ASTN1: variants seen among roughly 807,000 people sequenced by gnomAD.
The protein encoded by ASTN1 is astrotactin 1.
A neutral mutation model predicts 140.7 loss-of-function variants in ASTN1; 41 were observed. The ratio of observed to expected loss-of-function variants is 0.29; its 90% CI spans 0.23 to 0.38. The LOEUF (loss-of-function observed/expected upper bound fraction) is 0.38, where lower values mean the gene tolerates loss of function less well. ASTN1 is among the 10% of genes least tolerant of loss of function. The pLI, the probability that ASTN1 is intolerant of heterozygous loss-of-function variation, is 1.00. For missense variants in ASTN1, 1,479 were observed against 1,678.8 expected (o/e 0.88, Z 2.08); for synonymous variants, 640 against 652.2 (o/e 0.98, Z 0.29).
At chr1:176,901,608 A>C (rs1669769445) in intron 16 of ASTN1, among the ~76,000 whole-genome samples, 1 of 152,190 alleles carries the variant, frequency 6.6e-6, no homozygotes, top group Non-Finnish European at 1.5e-5. Context: ...TGTGGTAGCA[A>C]GAGAGTGCCA....
intron 1 of ASTN1, among the ~76,000 whole-genome samples, chr1:177,080,255 A>G (rs1411158367): frequency 1.6e-4 from 15 of 96,520 alleles, no homozygotes; most frequent in Non-Finnish European, 2.4e-4. Context: ...CTATATCACC[A>G]GGCCAAAAAA....
intron 1 of ASTN1, among the ~76,000 whole-genome samples, chr1:177,061,849 A>C (rs1678113544): frequency 6.6e-6 from 1 of 152,200 alleles, no homozygotes; most frequent in Non-Finnish European, 1.5e-5. Flanking sequence ...CAGGTAAAGT[A>C]ATGTTATAAT....
intron 1 of ASTN1, among the ~76,000 whole-genome samples, chr1:177,077,022 C>A (rs1678946425): frequency 6.6e-6 from 1 of 152,108 alleles, no homozygotes; most frequent in South Asian, 2.1e-4. Context: ...GGAATTGAGG[C>A]AGGCCATAAA....
At chr1:176,888,794 G>A (rs1031191436) in intron 17 of ASTN1, among the ~76,000 whole-genome samples, 1 of 152,206 alleles carries the variant, frequency 6.6e-6, no homozygotes, top group Admixed American at 6.5e-5. Context: ...CTGGGCTCTG[G>A]AGCTGTCAGC....
At chr1:176,880,815 C>T (rs551063145) in intron 20 of ASTN1, among the ~76,000 whole-genome samples, 1 of 152,296 alleles carries the variant, frequency 6.6e-6, no homozygotes, top group South Asian at 2.1e-4. Context: ...AAGCAACTAG[C>T]TGTGTGATTC....
intron 16 of ASTN1, among the ~76,000 whole-genome samples, chr1:176,908,170 T>C (rs1670080295): frequency 6.7e-6 from 1 of 149,560 alleles, no homozygotes; most frequent in Non-Finnish European, 1.5e-5. Flanking sequence ...CAGAGTTAGC[T>C]TTTTAATTAA....
intron 1 of ASTN1, among the ~76,000 whole-genome samples, chr1:177,109,267 G>A (rs1680699346): frequency 6.6e-6 from 1 of 152,100 alleles, no homozygotes; most frequent in Admixed American, 6.6e-5. Flanking sequence ...GTAAACCTAA[G>A]AAACCCATTT....
At chr1:177,129,448 C>T (rs2102199150) in intron 1 of ASTN1, among the ~76,000 whole-genome samples, 1 of 152,252 alleles carries the variant, frequency 6.6e-6, no homozygotes, top group South Asian at 2.1e-4. Flanking sequence ...GGGATCAATG[C>T]CACCGCCAGA....
At chr1:177,087,673 C>A (rs1018446627) in intron 1 of ASTN1, among the ~76,000 whole-genome samples, 1 of 152,196 alleles carries the variant, frequency 6.6e-6, no homozygotes, top group African/African-American at 2.4e-5. Flanking sequence ...CCGTGTTTCA[C>A]GCAGACCAAC....
Position 176,989,440 on chromosome 1 carries a change from T to G in ASTN1, c.1524-24203A>C, listed in dbSNP as rs184296959. Among the ~76,000 whole-genome samples the G allele has an allele frequency of 1.6e-4, 24 of 152,316 alleles. No homozygotes were observed. In the East Asian group the frequency reaches 4.6e-3, roughly 29 times the overall value. On this transcript the variant is annotated intron_variant, in intron 8 of 22. Coordinates refer to ENST00000361833, the MANE Select transcript of ASTN1 (RefSeq NM_004319.3). ...TAAGCTTCGTCCTGCAGAGGTACAA[T>G]GGCCTAACAAACAAAACATAAACCT...
chr1:176,900,462 C>T (rs1557945784), intron 16 of ASTN1, among the ~76,000 whole-genome samples: 1 of 152,182 alleles, frequency 6.6e-6, no homozygotes, highest in Non-Finnish European at 1.5e-5. Flanking sequence ...TTCTCTCTCT[C>T]TCTCTCTTTC....
intron 1 of ASTN1, among the ~76,000 whole-genome samples, chr1:177,132,900 G>C (rs577207373): frequency 2.3e-4 from 35 of 152,264 alleles, no homozygotes; most frequent in African/African-American, 8.2e-4. Context: ...GAGTGAGAAG[G>C]GGGTAAAAAC....
rs190815907 is a variant in ASTN1 at position 177,003,472 on chromosome 1, G to A, written c.1523+11319C>T. Among the ~76,000 whole-genome samples, 43 of 152,192 alleles carry A rather than the reference G, an allele frequency of 2.8e-4. 1 individual carries two copies. The East Asian group carries it at 8.1e-3, about 29-fold the overall frequency. On this transcript the variant is annotated intron_variant, in intron 8 of 22. Coordinates refer to ENST00000361833, the MANE Select transcript of ASTN1 (RefSeq NM_004319.3). ...TATGATAAAAACTCTGAAGAAAATA[G>A]GCATAGAAGAAACATAGCTCAAAAT...
chr1:177,130,260 T>C (rs1326487227), intron 1 of ASTN1, among the ~76,000 whole-genome samples: 3 of 152,212 alleles, frequency 2.0e-5, no homozygotes, highest in Non-Finnish European at 4.4e-5. Flanking sequence ...AACTAGGCTT[T>C]GGCAGTGCAT....
In ASTN1 at chr1:176,862,934, C is replaced by CAT. The variant is rs1668014481; in HGVS notation, c.*1348_*1349dup. On this transcript the variant is annotated 3_prime_UTR_variant, in exon 23 of 23. Transcript: ENST00000361833. The stretch of plus-strand genomic sequence containing the variant: ...CCAGATGAGGAGCCCTGGTCAAAGG[C>CAT]ATGGTGGCTGAAGGTGTGTGTTCAG... 1 of 985,342 alleles carries CAT rather than the reference C, an allele frequency of 1.0e-6. No individual in the cohort carries two copies. The highest frequency in any genetic ancestry group is 1.2e-6 in the Non-Finnish European group (1 of 829,952). The allele number at this position is 985,342 out of a possible 1,614,324, so 61.0% of individuals were successfully genotyped here. A position where few individuals can be genotyped will look rare whatever the true frequency, so the allele number is the denominator to read the frequency against.
chr1:176,958,527 C>T lies in ASTN1; in HGVS notation c.1599-45G>A, dbSNP rs747456412. On this transcript the variant is annotated intron_variant, in intron 9 of 22. Coordinates refer to ENST00000361833, the MANE Select transcript of ASTN1 (RefSeq NM_004319.3). ...CAGGTGGTCATGACTGGGGGCATAA[C>T]CACTCACCACTGGGGGATCTAGCAT... 6.4e-6 allele frequency: 10 copies of T among 1,560,104 alleles called. No individual in the cohort carries two copies. The South Asian group carries it at 1.2e-4, about 19-fold the overall frequency.
At chr1:176,978,441 T>C (rs1396325746) in intron 8 of ASTN1, among the ~76,000 whole-genome samples, 2 of 152,064 alleles carry the variant, frequency 1.3e-5, no homozygotes, top group Non-Finnish European at 2.9e-5. Context: ...CTGAATTCAG[T>C]GGGAAGACGT....
chr1:177,128,525 A>G (rs922856561), intron 1 of ASTN1, among the ~76,000 whole-genome samples: 2 of 152,248 alleles, frequency 1.3e-5, no homozygotes, highest in African/African-American at 4.8e-5. Flanking sequence ...GAGAACTAAC[A>G]GTACTACTGC....
At chr1:176,893,980 G>A (rs1249769793) in intron 17 of ASTN1, among the ~76,000 whole-genome samples, 2 of 152,226 alleles carry the variant, frequency 1.3e-5, no homozygotes, top group African/African-American at 2.4e-5. Context: ...GTTGGGAAAT[G>A]TCATGGCCCA....
Sources: allele counts gnomAD v4.1 joint callset (sites outside exome capture counted in the v4.1 genomes callset), GRCh38; gene constraint gnomAD v4.1.1; transcripts MANE v1.5; gene names NCBI Gene and HGNC (gene_info 2026-07-23, HGNC 2026-07-21).